The following ERBB4 variants were observed in gnomAD, a reference collection of about 807,000 sequenced individuals.
ERBB4 encodes the protein erb-b2 receptor tyrosine kinase 4.
ERBB4 carries 42 observed loss-of-function variants against 158.0 expected under a neutral mutation model. The ratio of observed to expected loss-of-function variants is 0.27; its 90% CI spans 0.21 to 0.34. The LOEUF (loss-of-function observed/expected upper bound fraction) is 0.34. ERBB4 is among the 10% of genes least tolerant of loss of function. The pLI, the probability that ERBB4 is intolerant of heterozygous loss-of-function variation, is 1.00. For synonymous variants in ERBB4, 583 were observed against 558.7 expected (o/e 1.04, Z -0.61); for missense variants, 1,333 against 1,624.1 (o/e 0.82, Z 3.08).
chr2:212,447,598 C>T (rs2092380836), intron 1 of ERBB4, among the ~76,000 whole-genome samples: 2 of 152,012 alleles, frequency 1.3e-5, no homozygotes, highest in South Asian at 4.2e-4. Context: ...TCAATTAATC[C>T]AGTTTTCAAA....
At chr2:212,052,423 G>A (rs2077425492) in intron 2 of ERBB4, among the ~76,000 whole-genome samples, 1 of 152,134 alleles carries the variant, frequency 6.6e-6, no homozygotes, top group Non-Finnish European at 1.5e-5. Flanking sequence ...GTGATCCTGT[G>A]AGTCAATACT....
At chr2:212,177,207 G>A (rs1383978882) in intron 1 of ERBB4, among the ~76,000 whole-genome samples, 1 of 151,418 alleles carries the variant, frequency 6.6e-6, no homozygotes, top group African/African-American at 2.4e-5. Context: ...ATGTAAATAA[G>A]GATCATCTAA....
chr2:211,705,722 T>A (rs1033103285), intron 9 of ERBB4, among the ~76,000 whole-genome samples: 1 of 152,194 alleles, frequency 6.6e-6, no homozygotes, highest in African/African-American at 2.4e-5. Context: ...TATTCTTGAT[T>A]TGGAAGAATA....
At chr2:212,370,131 G>A (rs2090035343) in intron 1 of ERBB4, among the ~76,000 whole-genome samples, 1 of 152,048 alleles carries the variant, frequency 6.6e-6, no homozygotes, top group Admixed American at 6.6e-5. Context: ...AGAGATAATT[G>A]AATCATGGGG....
In ERBB4 at chr2:211,924,793, T is replaced by C. The variant is rs118019899; in HGVS notation, c.421+22637A>G. On this transcript the variant is annotated intron_variant, in intron 3 of 27. Coordinates refer to ENST00000342788, the MANE Select transcript of ERBB4 (RefSeq NM_005235.3). Reference sequence around the variant, plus strand: ...TTGATGTACTTAATATATAGCTTTTTTAATATAAAGGAAGTGAATCAAAAA... The same window carrying C: ...TTGATGTACTTAATATATAGCTTTTCTAATATAAAGGAAGTGAATCAAAAA... 5.3e-4 allele frequency among the ~76,000 whole-genome samples: 80 copies of C among 152,278 alleles called. No homozygotes were observed. In the East Asian group the frequency reaches 0.012, roughly 23 times the overall value.
chr2:211,835,372 C>A (rs9288442), intron 3 of ERBB4, among the ~76,000 whole-genome samples: 1 of 110,504 alleles, frequency 9.0e-6, no homozygotes, highest in Admixed American at 7.9e-5. Context: ...CACAAGGACT[C>A]TCTACATAAA....
intron 19 of ERBB4, among the ~76,000 whole-genome samples, chr2:211,580,812 A>AGAT (rs1203397849): frequency 3.3e-4 from 16 of 48,258 alleles, no homozygotes; most frequent in African/African-American, 1.7e-3. Context: ...ATATATATAT[A>AGAT]ATATATATAT....
chr2:211,927,941 A>C (rs1575390426), intron 3 of ERBB4, among the ~76,000 whole-genome samples: 4 of 152,288 alleles, frequency 2.6e-5, no homozygotes, highest in Admixed American at 2.6e-4. Flanking sequence ...CTTTCTTTAT[A>C]ATACATACAG....
chr2:212,058,459 A>C (rs1453540235), intron 2 of ERBB4, among the ~76,000 whole-genome samples: 3 of 152,196 alleles, frequency 2.0e-5, no homozygotes, highest in Admixed American at 6.5e-5. Context: ...CATCATCCTG[A>C]TACCAAAGCC....
intron 20 of ERBB4, among the ~76,000 whole-genome samples, chr2:211,443,023 CAATA>C (rs1340948033): frequency 6.6e-6 from 1 of 151,918 alleles, no homozygotes; most frequent in Non-Finnish European, 1.5e-5. Flanking sequence ...TTGGGACAGT[CAATA>C]AATAATAGTC....
intron 1 of ERBB4, chr2:212,125,215 A>T (rs927909048): frequency 4.8e-6 from 1 of 210,152 alleles, no homozygotes; most frequent in Non-Finnish European, 9.7e-6. Context: ...TTATTTAAAC[A>T]TTTTTTTTTT....
At chr2:212,354,567 A>G (rs547478885) in intron 1 of ERBB4, among the ~76,000 whole-genome samples, 82 of 152,290 alleles carry the variant, frequency 5.4e-4, no homozygotes, top group African/African-American at 1.9e-3. Context: ...CTTCCTGGGT[A>G]TCTCATTCTT....
intron 20 of ERBB4, among the ~76,000 whole-genome samples, chr2:211,511,351 T>A (rs2065880211): frequency 6.6e-6 from 1 of 152,068 alleles, no homozygotes; most frequent in South Asian, 2.1e-4. Flanking sequence ...GTTATTATGA[T>A]TGTGTTACAT....
In ERBB4 at chr2:212,107,684, C is replaced by A. The variant is rs1321309018; in HGVS notation, c.234+17068G>T. Among the ~76,000 whole-genome samples, 3 of 152,126 alleles carry A rather than the reference C, an allele frequency of 2.0e-5. No homozygotes were observed. The East Asian group carries it at 5.8e-4, about 29-fold the overall frequency. ...TTTGGCTGTGTCCCCACCCAAATCT[C>A]ATCTTGAATTGTAGCTCCAACAATT... is the stretch of plus-strand genomic sequence containing the variant. On this transcript the variant is annotated intron_variant, in intron 2 of 27. Coordinates refer to ENST00000342788, the MANE Select transcript of ERBB4 (RefSeq NM_005235.3).
intron 16 of ERBB4, among the ~76,000 whole-genome samples, chr2:211,651,125 T>C (rs1305133921): frequency 6.6e-6 from 1 of 152,198 alleles, no homozygotes; most frequent in African/African-American, 2.4e-5. Context: ...GGAACCAACA[T>C]GGACACTGAG....
At chr2:211,879,107 C>T (rs1296416241) in intron 3 of ERBB4, among the ~76,000 whole-genome samples, 2 of 152,018 alleles carry the variant, frequency 1.3e-5, no homozygotes, top group Non-Finnish European at 2.9e-5. Flanking sequence ...GTTGAAGATG[C>T]TGCATTCTTA....
chr2:212,424,718 T>C (rs564521470), intron 1 of ERBB4, among the ~76,000 whole-genome samples: 2 of 152,220 alleles, frequency 1.3e-5, no homozygotes, highest in African/African-American at 4.8e-5. Context: ...TTTTGTTTTC[T>C]TTTTTTGTTT....
intron 3 of ERBB4, among the ~76,000 whole-genome samples, chr2:211,863,733 G>A (rs1442100698): frequency 6.6e-6 from 1 of 152,166 alleles, no homozygotes; most frequent in Non-Finnish European, 1.5e-5. Context: ...CGCTCACTGT[G>A]AAGGTCCGTG....
intron 19 of ERBB4, among the ~76,000 whole-genome samples, chr2:211,595,894 A>C (rs2068616898): frequency 6.6e-6 from 1 of 152,202 alleles, no homozygotes; most frequent in African/African-American, 2.4e-5. Context: ...TCCTGGAACC[A>C]ATCCCTCCCT....
Sources: allele counts gnomAD v4.1 joint callset (sites outside exome capture counted in the v4.1 genomes callset), GRCh38; gene constraint gnomAD v4.1.1; transcripts MANE v1.5; gene names NCBI Gene and HGNC (gene_info 2026-07-23, HGNC 2026-07-21).